The following MCTP2 variants were observed in gnomAD, a reference collection of about 807,000 sequenced individuals.
MCTP2 encodes the protein multiple C2 and transmembrane domain containing 2.
Under a neutral mutation model 111.6 loss-of-function variants are expected in MCTP2, and 132 were observed. The ratio of observed to expected loss-of-function variants is 1.18; its 90% CI spans 1.03 to 1.37. The LOEUF (loss-of-function observed/expected upper bound fraction) is 1.37, where lower values mean the gene tolerates loss of function less well. Ranked by LOEUF, MCTP2 falls within the 40% of genes most tolerant of loss-of-function variation. The pLI is 0.00. For synonymous variants in MCTP2, 395 were observed against 387.7 expected, an observed-to-expected ratio of 1.02 and a Z score of -0.22; for missense variants, 1,183 against 1,067.9, an observed-to-expected ratio of 1.11 and a Z score of -1.50.
chr15:94,297,136 C>G (rs1174573210), intron 1 of MCTP2, among the ~76,000 whole-genome samples: 1 of 152,232 alleles, frequency 6.6e-6, no homozygotes, highest in Non-Finnish European at 1.5e-5. Context: ...AGTGTCTGCC[C>G]ATCCTGTTCT....
intron 14 of MCTP2, among the ~76,000 whole-genome samples, chr15:94,386,525 G>A (rs2080485000): frequency 6.6e-6 from 1 of 152,196 alleles, no homozygotes; most frequent in Non-Finnish European, 1.5e-5. Context: ...ATGTTACTCG[G>A]AGAGCCTGTC....
intron 1 of MCTP2, among the ~76,000 whole-genome samples, chr15:94,260,721 G>T (rs1484453133): frequency 6.6e-6 from 1 of 152,102 alleles, no homozygotes; most frequent in Admixed American, 6.5e-5. Flanking sequence ...TAATTTGACT[G>T]TGTAAACCAA....
chr15:94,403,282 C>G, intron 17 of MCTP2: 1 of 979,614 alleles, frequency 1.0e-6, no homozygotes, highest in Non-Finnish European at 1.2e-6. Context: ...ATTGTCTCAG[C>G]ATTTGTTTAT....
intron 4 of MCTP2, among the ~76,000 whole-genome samples, chr15:94,334,031 G>A (rs1325368156): frequency 2.0e-5 from 3 of 152,088 alleles, no homozygotes; most frequent in Non-Finnish European, 4.4e-5. Flanking sequence ...CATTAACTTG[G>A]AAAATCAAAG....
intron 16 of MCTP2, among the ~76,000 whole-genome samples, chr15:94,401,190 C>T (rs2081570566): frequency 1.3e-5 from 2 of 152,054 alleles, no homozygotes; most frequent in South Asian, 4.2e-4. Context: ...TAGGACCCTC[C>T]GCACGTGCCT....
In MCTP2 at chr15:94,298,324, T is replaced by G. The variant is rs2075370468; in HGVS notation, c.59T>G (p.Leu20Trp). The part of the protein sequence containing the change: ...GSLKQRTRPL[L>W]INLSKKKVKK... ...TTAAAACAGCGGACCAGGCCATTGT[T>G]GATCAACTTGAGCAAGAAGAAGGTG... The change falls in exon 2 of 23, where the codon TTG (leucine) becomes TGG (tryptophan). Residue 20 changes from leucine to tryptophan, a missense_variant. Physicochemically the swap from Leu to Trp is moderately conservative, Grantham distance 61. Coordinates refer to ENST00000357742, the MANE Select transcript of MCTP2 (RefSeq NM_001385001.1). 6.2e-7 allele frequency: 1 copy of G among 1,614,026 alleles called. No homozygotes were observed. Among genetic ancestry groups the G allele is most frequent in the Non-Finnish European group, 8.5e-7 (1 of 1,180,018 alleles).
At chr15:94,261,990 A>T (rs1007350393) in intron 1 of MCTP2, among the ~76,000 whole-genome samples, 1 of 152,186 alleles carries the variant, frequency 6.6e-6, no homozygotes, top group Non-Finnish European at 1.5e-5. Flanking sequence ...AATTAATCTA[A>T]TTAGACAAAT....
chr15:94,287,243 T>G (rs1377769393), intron 1 of MCTP2, among the ~76,000 whole-genome samples: 1 of 151,800 alleles, frequency 6.6e-6, no homozygotes, highest in Non-Finnish European at 1.5e-5. Context: ...AAGAGCACTT[T>G]TTTTTTTTCT....
chr15:94,428,172 AT>A (rs1240694682), intron 17 of MCTP2, among the ~76,000 whole-genome samples: 6 of 152,224 alleles, frequency 3.9e-5, no homozygotes, highest in Middle Eastern at 3.4e-3. Flanking sequence ...TATCTTTGAT[AT>A]TTAAGTTCAT....
chr15:94,253,621 C>T (rs983792479), intron 1 of MCTP2, among the ~76,000 whole-genome samples: 19 of 152,266 alleles, frequency 1.2e-4, no homozygotes, highest in African/African-American at 4.3e-4. Context: ...ATCTGCTTCT[C>T]CTACTGTACT....
chr15:94,359,480 G>A (rs1267955136), intron 10 of MCTP2, among the ~76,000 whole-genome samples: 2 of 152,084 alleles, frequency 1.3e-5, no homozygotes, highest in Non-Finnish European at 2.9e-5. Flanking sequence ...CAACCACTAC[G>A]GGGTGTCTTT....
chr15:94,406,928 C>T (rs771230114), intron 17 of MCTP2, among the ~76,000 whole-genome samples: 6 of 151,154 alleles, frequency 4.0e-5, no homozygotes, highest in Non-Finnish European at 8.8e-5. Context: ...AATAACCACC[C>T]CTTATGTTCC....
chr15:94,345,186 T>C (rs538171651), intron 8 of MCTP2, 22 bp downstream of exon 8: 2 of 1,605,718 alleles, frequency 1.2e-6, no homozygotes, highest in African/African-American at 2.7e-5. Flanking sequence ...TTTTTTTCCT[T>C]TAGATCATTT....
rs1256271910 is a variant in MCTP2, at chr15:94,243,014, T to G, written c.-66+11350T>G. Among the ~76,000 whole-genome samples, 609 of 87,388 alleles carry G rather than the reference T, an allele frequency of 7.0e-3. 177 individuals are homozygous for G. Among genetic ancestry groups the G allele is most frequent in the African/African-American group, 0.016 (339 of 21,714 alleles). The allele number at this position is 87,388 out of a possible 152,430, so 57.3% of individuals were successfully genotyped here. A position where few individuals can be genotyped will look rare whatever the true frequency, so the allele number is the denominator to read the frequency against. ...GTATATGTGTATCTACACATACACG[T>G]GTATATGTGTATCTACACATACACG... On this transcript the variant is annotated intron_variant, in intron 1 of 22. Transcript: ENST00000357742.
chr15:94,449,549 T>TA (rs1288284061), intron 19 of MCTP2, among the ~76,000 whole-genome samples: 5 of 152,218 alleles, frequency 3.3e-5, no homozygotes, highest in Non-Finnish European at 7.3e-5. Context: ...CCAAAGCCTC[T>TA]ATGAATACAA....
rs1165979359 is a variant in MCTP2, at chr15:94,298,264, C to T, written c.-2C>T. On this transcript the variant is annotated 5_prime_UTR_variant, in exon 2 of 23. Transcript: ENST00000357742. ...AGTGGCTTCTTGGGTCTTCATGCAG[C>T]CATGGATCTGGATAAACCATCTGTT... The T allele has an allele frequency of 6.2e-7, 1 of 1,601,136 alleles. No homozygotes were observed. The highest frequency in any genetic ancestry group is 8.5e-7 in the Non-Finnish European group (1 of 1,173,600).
chr15:94,283,069 G>C (rs2074570396), intron 1 of MCTP2, among the ~76,000 whole-genome samples: 1 of 152,130 alleles, frequency 6.6e-6, no homozygotes, highest in Non-Finnish European at 1.5e-5. Flanking sequence ...GGCAGAAGAA[G>C]GCTGTGGGTG....
At chr15:94,320,141 CTTT>C (rs71135503) in intron 4 of MCTP2, among the ~76,000 whole-genome samples, 15 of 117,978 alleles carry the variant, frequency 1.3e-4, no homozygotes, top group African/African-American at 9.5e-5. Context: ...GTTTATTAAT[CTTT>C]TTTTTTTTTT....
chr15:94,445,097 C>T (rs950248234), intron 19 of MCTP2, among the ~76,000 whole-genome samples: 1 of 152,150 alleles, frequency 6.6e-6, no homozygotes, highest in African/African-American at 2.4e-5. Flanking sequence ...GTGCTTTAAA[C>T]CTTTCTGGGC....
Sources: allele counts gnomAD v4.1 joint callset (sites outside exome capture counted in the v4.1 genomes callset), GRCh38; gene constraint gnomAD v4.1.1; transcripts MANE v1.5; gene names NCBI Gene and HGNC (gene_info 2026-07-23, HGNC 2026-07-21).